The following RFLNA variants were observed in gnomAD, a reference collection of about 807,000 sequenced individuals.
RFLNA encodes the protein refilin-A.
RFLNA carries 5 observed loss-of-function variants against 7.8 expected under a neutral mutation model. The observed-to-expected ratio is 0.64, with a 90% confidence interval of 0.34 to 1.35. RFLNA has a LOEUF of 1.35. Among genes scored for constraint, RFLNA ranks in the 40% most tolerant of loss-of-function variants. The pLI is 0.04. For missense variants in RFLNA, 278 were observed against 305.5 expected (o/e 0.91, Z 0.67); for synonymous variants, 141 against 131.3 (o/e 1.07, Z -0.50).
At chr12:124,292,874 T>C (rs2033844679), upstream of RFLNA, among the ~76,000 whole-genome samples, 1 of 152,156 alleles carries the variant, frequency 6.6e-6, no homozygotes, top group Non-Finnish European at 1.5e-5. Context: ...TTCGCTGCAA[T>C]GTTTTAAAAG....
chr12:124,313,595 C>T (rs1394286234), intron 2 of RFLNA, among the ~76,000 whole-genome samples: 6 of 151,536 alleles, frequency 4.0e-5, no homozygotes, highest in African/African-American at 1.2e-4. Flanking sequence ...AAGAGAATGG[C>T]GTGAACCTGG....
chr12:124,306,523 C>T lies in RFLNA; in HGVS notation c.208-5295C>T, dbSNP rs1415812205. Among the ~76,000 whole-genome samples the T allele has an allele frequency of 2.6e-5, 4 of 152,128 alleles. No homozygotes were observed. The highest frequency in any genetic ancestry group is 4.4e-5 in the Non-Finnish European group (3 of 68,016). ...GAGACAGGCCCCTGGGCATGAAAGG[C>T]AGTGGAGGAGCGAGGGTGAGGGCCC... On this transcript the variant is annotated intron_variant, in intron 1 of 2. Coordinates refer to ENST00000546355, the MANE Select transcript of RFLNA (RefSeq NM_001365156.1). This position sits in a 1 kb window ranked among gnomAD's most constrained non-coding sequence, Gnocchi z 5.2.
rs550672452 is a variant in RFLNA, at chr12:124,307,633, C to T, written c.208-4185C>T. Among the ~76,000 whole-genome samples the T allele has an allele frequency of 1.8e-4, 28 of 152,280 alleles. No individual in the cohort carries two copies. The South Asian group carries it at 5.4e-3, about 29-fold the overall frequency. On this transcript the variant is annotated intron_variant, in intron 1 of 2. Coordinates refer to ENST00000546355, the MANE Select transcript of RFLNA (RefSeq NM_001365156.1). ...GGGAGGAGGCCAGGCTGGGGACCCA[C>T]GGGTGGTCTCAGCCAGCCCCGGTGC...
chr12:124,295,091 G>A (rs1049412836), upstream of RFLNA: 1 of 152,400 alleles, frequency 6.6e-6, no homozygotes, highest in Non-Finnish European at 1.5e-5. Flanking sequence ...CCGGGGAGGT[G>A]CGGAGAGGGC....
At chr12:124,292,475 C>A (rs1566318117), upstream of RFLNA, among the ~76,000 whole-genome samples, 1 of 152,210 alleles carries the variant, frequency 6.6e-6, no homozygotes, top group African/African-American at 2.4e-5. Context: ...TTGACATTTG[C>A]AGACCATCTG....
In RFLNA at chr12:124,314,170, G is replaced by A. The variant is rs770052960; in HGVS notation, c.318-22G>A. 12 of 1,599,270 alleles carry A rather than the reference G, an allele frequency of 7.5e-6. No homozygotes were observed. In the East Asian group the frequency reaches 9.0e-5, roughly 12 times the overall value. ...CTGCCCCCAATCCTGGGTTCACTCC[G>A]CTTCCCTCCTGCCCTTTCCAGCTGC... is the stretch of plus-strand genomic sequence containing the variant. On this transcript the variant is annotated intron_variant, in intron 2 of 2. Coordinates refer to ENST00000546355, the MANE Select transcript of RFLNA (RefSeq NM_001365156.1).
At chr12:124,291,518 A>G (rs2033824810), upstream of RFLNA, among the ~76,000 whole-genome samples, 1 of 152,106 alleles carries the variant, frequency 6.6e-6, no homozygotes, top group Non-Finnish European at 1.5e-5. Context: ...TGGCCTCCCA[A>G]AGTGCTGGGA....
In RFLNA at chr12:124,314,178, C is replaced by T. The variant is rs1379957349; in HGVS notation, c.318-14C>T. On this transcript the variant is annotated splice_polypyrimidine_tract_variant and intron_variant, in intron 2 of 2. Transcript: ENST00000546355. Reference sequence around the variant, plus strand: ...AATCCTGGGTTCACTCCGCTTCCCTCCTGCCCTTTCCAGCTGCAACTCTGA... The same window carrying T: ...AATCCTGGGTTCACTCCGCTTCCCTTCTGCCCTTTCCAGCTGCAACTCTGA... 2.6e-5 allele frequency: 42 copies of T among 1,605,724 alleles called. No individual in the cohort carries two copies. Among genetic ancestry groups the T allele is most frequent in the Non-Finnish European group, 3.5e-5 (41 of 1,175,022 alleles).
rs2033894438 is a variant in RFLNA at position 124,295,612 on chromosome 12, C to G, written c.183C>G (p.Pro61=). The G allele has an allele frequency of 4.9e-6, 6 of 1,222,486 alleles. No individual in the cohort carries two copies. In the East Asian group the frequency reaches 1.9e-4, roughly 39 times the overall value. 75.7% of individuals were successfully genotyped at this position (1,222,486 alleles called of 1,614,324 possible). ...RAGGAGASSE[P]PGPSEARAPP... ...GGGGCGCCGGCGCCTCCTCGGAGCC[C>G]CCGGGACCCAGCGAGGCCAGAGCGG... Residue 61 remains proline, a synonymous_variant, in exon 1 of 3, where the codon CCC becomes CCG. Transcript: ENST00000546355.
At chr12:124,302,382 T>A (rs2034053101) in intron 1 of RFLNA, among the ~76,000 whole-genome samples, 1 of 152,162 alleles carries the variant, frequency 6.6e-6, no homozygotes, top group South Asian at 2.1e-4. Flanking sequence ...GGGTGTCAGA[T>A]CCTGGGCTCG....
intron 1 of RFLNA, among the ~76,000 whole-genome samples, chr12:124,300,731 CATGG>C (rs370958661): frequency 0.011 from 1,233 of 115,618 alleles, 30 homozygotes; most frequent in African/African-American, 0.039. Context: ...TGGATGGATG[CATGG>C]ATGGATGGAT....
chr12:124,297,008 A>G (rs897571265), intron 1 of RFLNA, among the ~76,000 whole-genome samples: 2 of 152,096 alleles, frequency 1.3e-5, no homozygotes, highest in Non-Finnish European at 2.9e-5. Context: ...TTTGAAGTGA[A>G]CCTGATCTTG....
chr12:124,295,071 GA>G (rs2033880854), upstream of RFLNA, among the ~76,000 whole-genome samples: 2 of 151,954 alleles, frequency 1.3e-5, no homozygotes, highest in African/African-American at 4.8e-5. Flanking sequence ...CCTAGAAAAG[GA>G]GGCGCGGGCC....
In RFLNA at chr12:124,296,563, T is replaced by C. The variant is rs1232788483; in HGVS notation, c.207+927T>C. 2.6e-5 allele frequency among the ~76,000 whole-genome samples: 4 copies of C among 152,146 alleles called. No individual in the cohort carries two copies. The East Asian group carries it at 5.8e-4, about 22-fold the overall frequency. On this transcript the variant is annotated intron_variant, in intron 1 of 2. Transcript: ENST00000546355. ...GCGTGTGTGCTGGCTCCACTCCCCT[T>C]TCCTGGGGCCCCGGGGATTCTTGCC...
At chr12:124,296,112 C>CTTTTTCTTTCTTTCT in intron 1 of RFLNA, among the ~76,000 whole-genome samples, 1 of 3,674 alleles carries the variant, frequency 2.7e-4, no homozygotes. Flanking sequence ...TTCTTTCTTT[C>CTTTTTCTTTCTTTCT]TTTCTTTCTT....
At chr12:124,300,643 G>GACAGAAGA (rs2034011488) in intron 1 of RFLNA, among the ~76,000 whole-genome samples, 1 of 151,368 alleles carries the variant, frequency 6.6e-6, no homozygotes, top group African/African-American at 2.4e-5. Context: ...TGGATGGATG[G>GACAGAAGA]ATGGATCGAT....
chr12:124,305,967 T>C (rs2034130159), intron 1 of RFLNA, among the ~76,000 whole-genome samples: 1 of 152,144 alleles, frequency 6.6e-6, no homozygotes, highest in Non-Finnish European at 1.5e-5. Flanking sequence ...GCTTCTTCAG[T>C]CCTCGATCCT....
upstream of RFLNA, among the ~76,000 whole-genome samples, chr12:124,290,884 C>A (rs2033815264): frequency 6.6e-6 from 1 of 152,206 alleles, no homozygotes; most frequent in East Asian, 1.9e-4. The surrounding 1 kb of genome is among the most constrained non-coding windows in gnomAD (Gnocchi z 4.0). Flanking sequence ...CCAGATCACA[C>A]AGCCGGGACA....
intron 1 of RFLNA, among the ~76,000 whole-genome samples, chr12:124,309,454 G>A (rs150387897): frequency 1.3e-4 from 20 of 152,318 alleles, no homozygotes; most frequent in African/African-American, 3.1e-4. Flanking sequence ...ACACAGTGGC[G>A]CGCAGTGGGT....
Sources: allele counts gnomAD v4.1 joint callset (sites outside exome capture counted in the v4.1 genomes callset), GRCh38; gene constraint gnomAD v4.1.1; non-coding constraint Gnocchi (gnomAD v3.1); transcripts MANE v1.5; gene names NCBI Gene and HGNC (gene_info 2026-07-23, HGNC 2026-07-21).